Variants in FBXO28 observed in about 807,000 individuals in gnomAD.
FBXO28 encodes F-box only protein 28.
FBXO28 carries 8 observed loss-of-function variants against 38.1 expected under a neutral mutation model. The ratio of observed to expected loss-of-function variants is 0.21; its 90% CI spans 0.12 to 0.38. The LOEUF (loss-of-function observed/expected upper bound fraction) is 0.38. FBXO28 is among the 10% of genes least tolerant of loss of function. FBXO28 has a pLI of 1.00. For synonymous variants in FBXO28, 168 were observed against 173.8 expected, an observed-to-expected ratio of 0.97 and a Z score of 0.26; for missense variants, 345 against 460.6, an observed-to-expected ratio of 0.75 and a Z score of 2.30.
At chr1:224,115,526 G>T (rs1294777115) in intron 1 of FBXO28, among the ~76,000 whole-genome samples, 2 of 152,158 alleles carry the variant, frequency 1.3e-5, no homozygotes, top group African/African-American at 4.8e-5. Context: ...TTTTAAAAGA[G>T]AACTTATAAA....
At chr1:224,132,671 G>A (rs1657080636) in intron 2 of FBXO28, among the ~76,000 whole-genome samples, 1 of 152,048 alleles carries the variant, frequency 6.6e-6, no homozygotes, top group South Asian at 2.1e-4. Flanking sequence ...CAGGCATGAT[G>A]TCGGGTGCCT....
intron 3 of FBXO28, among the ~76,000 whole-genome samples, chr1:224,139,764 G>GCATGCATGCATGCATACATAATA (rs1386239166): frequency 6.9e-6 from 1 of 145,936 alleles, no homozygotes; most frequent in Non-Finnish European, 1.5e-5. Context: ...ATGCATGCAT[G>GCATGCATGCATGCATACATAATA]CATACATACA....
At chr1:224,117,190 G>A (rs1240541624) in intron 1 of FBXO28, among the ~76,000 whole-genome samples, 17 of 106,560 alleles carry the variant, frequency 1.6e-4, no homozygotes, top group Non-Finnish European at 2.8e-4. Flanking sequence ...TTTTTGAGAC[G>A]GAGTCTCGCT....
intron 1 of FBXO28, among the ~76,000 whole-genome samples, chr1:224,119,557 T>G (rs570276484): frequency 2.4e-4 from 37 of 152,272 alleles, no homozygotes; most frequent in Admixed American, 4.6e-4. Flanking sequence ...CTTCCAGTTC[T>G]CACAAAGTAA....
rs780804594 is a variant in FBXO28, at chr1:224,160,838, A to G, written c.*3092A>G. 7 of 152,206 alleles carry G rather than the reference A, an allele frequency of 4.6e-5. No individual in the cohort carries two copies. The highest frequency in any genetic ancestry group is 8.8e-5 in the Non-Finnish European group (6 of 68,042). 9.4% of individuals were successfully genotyped at this position (152,206 alleles called of 1,614,324 possible). On this transcript the variant is annotated 3_prime_UTR_variant, in exon 5 of 5. Coordinates refer to ENST00000366862, the MANE Select transcript of FBXO28 (RefSeq NM_015176.4). ...ATTATTCTACGTGTTAAAAATGTTA[A>G]AATATTCTATGTAGCCCCAAAGGTG... is the stretch of plus-strand genomic sequence containing the variant.
intron 1 of FBXO28, among the ~76,000 whole-genome samples, chr1:224,123,831 A>G (rs1656840911): frequency 6.6e-6 from 1 of 152,200 alleles, no homozygotes; most frequent in Non-Finnish European, 1.5e-5. Context: ...ACTTGAGGCC[A>G]GGCATGATGG....
chr1:224,114,826 T>C (rs1656609642), intron 1 of FBXO28, among the ~76,000 whole-genome samples: 1 of 152,170 alleles, frequency 6.6e-6, no homozygotes, highest in African/African-American at 2.4e-5. Flanking sequence ...CCAGGTTTGG[T>C]TTATCTTGCA....
chr1:224,136,047 T>C (rs1357530981), intron 3 of FBXO28, among the ~76,000 whole-genome samples: 1 of 144,150 alleles, frequency 6.9e-6, no homozygotes, highest in Non-Finnish European at 1.5e-5. Context: ...AACAAACAAA[T>C]AATGTTAAAT....
intron 3 of FBXO28, among the ~76,000 whole-genome samples, chr1:224,137,295 C>T (rs12410978): frequency 2.8e-4 from 43 of 151,572 alleles, no homozygotes; most frequent in Admixed American, 7.9e-4. Context: ...GAGGCCAAGA[C>T]GGGTAGATCA....
intron 3 of FBXO28, among the ~76,000 whole-genome samples, chr1:224,143,083 C>T (rs541214617): frequency 4.0e-5 from 6 of 151,846 alleles, no homozygotes; most frequent in South Asian, 2.1e-4. Flanking sequence ...TGCGGTGGTG[C>T]GGGCCTGTAG....
intron 3 of FBXO28, among the ~76,000 whole-genome samples, chr1:224,142,007 G>A (rs6656849): frequency 1.3e-5 from 2 of 150,672 alleles, no homozygotes; most frequent in African/African-American, 4.9e-5. Context: ...CTCCCACCTC[G>A]ACCTCCCAAG....
At chr1:224,143,491 C>T (rs977961399) in intron 3 of FBXO28, among the ~76,000 whole-genome samples, 1 of 152,138 alleles carries the variant, frequency 6.6e-6, no homozygotes, top group Admixed American at 6.6e-5. Context: ...GGATGGGCTC[C>T]AGCCACCTGC....
At chr1:224,127,164 T>TGTGTG (rs1656923353) in intron 1 of FBXO28, among the ~76,000 whole-genome samples, 6 of 88,482 alleles carry the variant, frequency 6.8e-5, no homozygotes, top group African/African-American at 2.4e-4. Context: ...TGTAAAGTAT[T>TGTGTG]TGTGTGTGTG....
intron 1 of FBXO28, among the ~76,000 whole-genome samples, chr1:224,125,111 T>A (rs1171628087): frequency 1.3e-5 from 2 of 151,028 alleles, no homozygotes; most frequent in Non-Finnish European, 2.9e-5. Flanking sequence ...AAAATAATTT[T>A]TCTTTTTTTT....
Position 224,158,395 on chromosome 1 carries a change from CCTA to C in FBXO28, c.*651_*653del, listed in dbSNP as rs1657820416. 4.9e-6 allele frequency: 1 copy of C among 205,248 alleles called. No individual in the cohort carries two copies. Among genetic ancestry groups the C allele is most frequent in the Non-Finnish European group, 8.6e-6 (1 of 116,296 alleles). 12.7% of individuals were successfully genotyped at this position (205,248 alleles called of 1,614,324 possible). A position where few individuals can be genotyped will look rare whatever the true frequency, so the allele number is the denominator to read the frequency against. ...TTTCAGTTCTCTTTGGGGGCCATGT[CCTA>C]CATTTGCATGGATGGATGCATGCAT... On this transcript the variant is annotated 3_prime_UTR_variant, in exon 5 of 5. Transcript: ENST00000366862.
At chr1:224,114,541 C>G in intron 1 of FBXO28, 145 bp downstream of exon 1, 1 of 660,184 alleles carries the variant, frequency 1.5e-6, no homozygotes, top group South Asian at 2.1e-5. Context: ...GTCCCGAACT[C>G]TCCCTTGGCG....
rs1369249692 is a variant in FBXO28, at chr1:224,139,536, G to A, written c.516+5324G>A. Reference sequence around the variant, plus strand: ...AGGCGGGCAGATCACAAGATCGAGAGATCGAGACCAGCCTGGCCAACATGG... The same window carrying A: ...AGGCGGGCAGATCACAAGATCGAGAAATCGAGACCAGCCTGGCCAACATGG... On this transcript the variant is annotated intron_variant, in intron 3 of 4. Coordinates refer to ENST00000366862, the MANE Select transcript of FBXO28 (RefSeq NM_015176.4). Among the ~76,000 whole-genome samples the A allele has an allele frequency of 1.3e-5, 2 of 151,872 alleles. 1 individual carries two copies. Among genetic ancestry groups the A allele is most frequent in the African/African-American group, 4.9e-5 (2 of 41,208 alleles).
At position 224,159,609 on chromosome 1, in the gene FBXO28, T is replaced by C. The variant is rs1010933107; in HGVS notation, c.*1863T>C. ...AACTCGTTTTCTCAGCACTTCTCAT[T>C]TTTATAATCATAGTATTTAGCCATA... is the stretch of plus-strand genomic sequence containing the variant. On this transcript the variant is annotated 3_prime_UTR_variant, in exon 5 of 5. Coordinates refer to ENST00000366862, the MANE Select transcript of FBXO28 (RefSeq NM_015176.4). 3 of 152,522 alleles carry C rather than the reference T, an allele frequency of 2.0e-5. No homozygotes were observed. Among genetic ancestry groups the C allele is most frequent in the Non-Finnish European group, 4.4e-5 (3 of 68,048 alleles). 9.4% of individuals were successfully genotyped at this position (152,522 alleles called of 1,614,324 possible).
At chr1:224,145,716 A>G (rs1187303526) in intron 3 of FBXO28, among the ~76,000 whole-genome samples, 1 of 152,090 alleles carries the variant, frequency 6.6e-6, no homozygotes, top group Non-Finnish European at 1.5e-5. Flanking sequence ...TGAGGTCATG[A>G]GTTCGAGACC....
Sources: allele counts gnomAD v4.1 joint callset (sites outside exome capture counted in the v4.1 genomes callset), GRCh38; gene constraint gnomAD v4.1.1; transcripts MANE v1.5; gene names NCBI Gene and HGNC (gene_info 2026-07-23, HGNC 2026-07-21).